TMOD2: variants seen among roughly 807,000 people sequenced by gnomAD.
TMOD2 encodes the protein tropomodulin 2, also known as tropomodulin-2.
TMOD2 carries 22 observed loss-of-function variants against 39.9 expected under a neutral mutation model. The ratio of observed to expected loss-of-function variants is 0.55; its 90% CI spans 0.39 to 0.79. The LOEUF is 0.79. TMOD2 is among the 30% of genes least tolerant of loss of function. TMOD2 has a pLI of 0.00. For synonymous variants in TMOD2, 123 were observed against 146.1 expected (o/e 0.84, Z 1.14); for missense variants, 386 against 413.3 (o/e 0.93, Z 0.57).
In TMOD2 at chr15:51,811,428, T is replaced by C. The variant is rs758485829; in HGVS notation, c.*2974T>C. 6.6e-6 allele frequency: 1 copy of C among 152,160 alleles called. No homozygotes were observed. The highest frequency in any genetic ancestry group is 2.4e-5 in the African/African-American group (1 of 41,424). The allele number at this position is 152,160 out of a possible 1,614,324, so 9.4% of individuals were successfully genotyped here. On this transcript the variant is annotated 3_prime_UTR_variant, in exon 10 of 10. Transcript: ENST00000249700. ...CCTTTTAGAGTTGTGCAGGTCCACT[T>C]TAAGTGTAAAATCACTCACCTGGAC...
intron 1 of TMOD2, among the ~76,000 whole-genome samples, chr15:51,764,183 G>C (rs1454403468): frequency 6.6e-6 from 1 of 152,168 alleles, no homozygotes; most frequent in African/African-American, 2.4e-5. Context: ...CGGGCTTCGT[G>C]TTGCACACTT....
chr15:51,777,588 C>G (rs1555461775), intron 5 of TMOD2, among the ~76,000 whole-genome samples: 1 of 152,196 alleles, frequency 6.6e-6, no homozygotes, highest in Non-Finnish European at 1.5e-5. Flanking sequence ...ATTAATTAGA[C>G]TTTTTTATTC....
At chr15:51,793,199 C>T (rs145977806) in intron 7 of TMOD2, among the ~76,000 whole-genome samples, 139 of 152,242 alleles carry the variant, frequency 9.1e-4, no homozygotes, top group African/African-American at 3.2e-3. Flanking sequence ...TTTATCTGAA[C>T]ATAGCCTCAT....
chr15:51,786,162 A>G (rs1354950817), intron 7 of TMOD2, among the ~76,000 whole-genome samples: 1 of 151,980 alleles, frequency 6.6e-6, no homozygotes, highest in African/African-American at 2.4e-5. Flanking sequence ...CAATTCTAAG[A>G]TGTGGTACAC....
At chr15:51,755,676 A>T (rs916122476) in intron 1 of TMOD2, among the ~76,000 whole-genome samples, 17 of 152,158 alleles carry the variant, frequency 1.1e-4, no homozygotes, top group African/African-American at 3.9e-4. Flanking sequence ...CTCATTGTTG[A>T]TAAACAACCA....
intron 3 of TMOD2, among the ~76,000 whole-genome samples, chr15:51,769,862 C>T (rs1181085349): frequency 6.6e-6 from 1 of 151,938 alleles, no homozygotes; most frequent in African/African-American, 2.4e-5. Context: ...TGGCAAAACC[C>T]CATCTCTAAA....
chr15:51,769,519 G>A (rs2055839112), intron 3 of TMOD2, among the ~76,000 whole-genome samples: 1 of 152,158 alleles, frequency 6.6e-6, no homozygotes, highest in African/African-American at 2.4e-5. Flanking sequence ...AGCTAGGAAG[G>A]CTGTGAGAAG....
chr15:51,760,891 A>G (rs1292465452), intron 1 of TMOD2, among the ~76,000 whole-genome samples: 1 of 152,202 alleles, frequency 6.6e-6, no homozygotes, highest in African/African-American at 2.4e-5. Context: ...GATGTGAGGA[A>G]TAGGAGGAGG....
chr15:51,760,291 A>G (rs2055771801), intron 1 of TMOD2, among the ~76,000 whole-genome samples: 1 of 152,214 alleles, frequency 6.6e-6, no homozygotes, highest in Admixed American at 6.5e-5. Flanking sequence ...GTGTCACAGG[A>G]CTGTATTCCT....
At chr15:51,804,334 A>G (rs1287279947) in intron 8 of TMOD2, among the ~76,000 whole-genome samples, 1 of 152,246 alleles carries the variant, frequency 6.6e-6, no homozygotes, top group Non-Finnish European at 1.5e-5. Flanking sequence ...GATGAAAAAT[A>G]AAAACACACT....
intron 8 of TMOD2, among the ~76,000 whole-genome samples, 174 bp from the exon 9 acceptor site, chr15:51,806,203 C>A (rs557139105): frequency 6.6e-6 from 1 of 152,324 alleles, no homozygotes; most frequent in South Asian, 2.1e-4. Context: ...AGACAAGGAG[C>A]AGGACTCAAA....
At chr15:51,788,800 C>T (rs1461264908) in intron 7 of TMOD2, among the ~76,000 whole-genome samples, 1 of 152,148 alleles carries the variant, frequency 6.6e-6, no homozygotes, top group Non-Finnish European at 1.5e-5. Context: ...TACAGACAAG[C>T]AAATGCTAAG....
At chr15:51,790,874 C>G (rs900433520) in intron 7 of TMOD2, among the ~76,000 whole-genome samples, 2 of 152,058 alleles carry the variant, frequency 1.3e-5, no homozygotes, top group Non-Finnish European at 2.9e-5. Context: ...AAGAGCTGTT[C>G]ATGACAAACC....
At chr15:51,753,213 CT>C in intron 1 of TMOD2, among the ~76,000 whole-genome samples, 1 of 152,188 alleles carries the variant, frequency 6.6e-6, no homozygotes, top group East Asian at 1.9e-4. Flanking sequence ...AAGGCAAGGA[CT>C]TACCAACTGG....
At chr15:51,764,875 T>C (rs2141616134) in intron 1 of TMOD2, among the ~76,000 whole-genome samples, 1 of 152,338 alleles carries the variant, frequency 6.6e-6, no homozygotes, top group East Asian at 1.9e-4. Flanking sequence ...CTTCCCCCAC[T>C]TACTCAGTGA....
At chr15:51,768,689 G>A (rs1304610353) in intron 3 of TMOD2, among the ~76,000 whole-genome samples, 2 of 152,142 alleles carry the variant, frequency 1.3e-5, no homozygotes, top group Admixed American at 6.5e-5. Flanking sequence ...GGAGGGTCAA[G>A]CAAGGGAACT....
chr15:51,804,003 G>C (rs532696793), intron 8 of TMOD2, among the ~76,000 whole-genome samples: 1 of 152,124 alleles, frequency 6.6e-6, no homozygotes, highest in Non-Finnish European at 1.5e-5. Context: ...AGTAACACTC[G>C]TACAGTTAGC....
At chr15:51,777,183 T>G (rs2055895505) in intron 5 of TMOD2, among the ~76,000 whole-genome samples, 165 bp downstream of exon 5, 2 of 152,182 alleles carry the variant, frequency 1.3e-5, no homozygotes, top group East Asian at 1.9e-4. Flanking sequence ...CAATGAGAGC[T>G]CCATCTGGCG....
chr15:51,792,289 A>G (rs1170559459), intron 7 of TMOD2, among the ~76,000 whole-genome samples: 3 of 152,248 alleles, frequency 2.0e-5, no homozygotes, highest in Non-Finnish European at 4.4e-5. Context: ...TCATCAGAGA[A>G]ATGCAAATCA....
Sources: allele counts gnomAD v4.1 joint callset (sites outside exome capture counted in the v4.1 genomes callset), GRCh38; gene constraint gnomAD v4.1.1; transcripts MANE v1.5; gene names NCBI Gene and HGNC (gene_info 2026-07-23, HGNC 2026-07-21).